PRELID2: variants seen among roughly 807,000 people sequenced by gnomAD.
PRELID2 encodes the protein PRELI domain containing 2, also known as PRELI domain-containing protein 2.
A neutral mutation model predicts 28.4 loss-of-function variants in PRELID2; 25 were observed. The observed-to-expected ratio is 0.88, with a 90% CI of 0.64 to 1.23. The LOEUF (loss-of-function observed/expected upper bound fraction) is 1.23. Among genes scored for constraint, PRELID2 ranks in the 50% most tolerant of loss-of-function variants. The pLI is 0.00. For missense variants in PRELID2, 201 were observed against 214.4 expected, an observed-to-expected ratio of 0.94 and a Z score of 0.39; for synonymous variants, 76 against 71.6, an observed-to-expected ratio of 1.06 and a Z score of -0.31.
At chr5:145,320,663 G>T in the PRELID2 span, among the ~76,000 whole-genome samples, 1 of 152,002 alleles carries the variant, frequency 6.6e-6, no homozygotes, top group Admixed American at 6.5e-5. Context: ...GAATAATGCT[G>T]GGAACAATAT....
At chr5:145,498,712 G>A (rs1002129637) in intron 1 of PRELID2, among the ~76,000 whole-genome samples, 1 of 151,700 alleles carries the variant, frequency 6.6e-6, no homozygotes, top group African/African-American at 2.4e-5. Flanking sequence ...TTTGTTTTTT[G>A]TTTTGTTTTG....
chr5:145,595,719 C>T (rs1347417963), intron 1 of PRELID2, among the ~76,000 whole-genome samples: 1 of 152,122 alleles, frequency 6.6e-6, no homozygotes, highest in Non-Finnish European at 1.5e-5. Flanking sequence ...AAGTCTGTGC[C>T]CTCCCTAAAA....
downstream of PRELID2, among the ~76,000 whole-genome samples, chr5:145,751,405 G>A (rs146146332): frequency 6.6e-6 from 1 of 152,300 alleles, no homozygotes; most frequent in African/African-American, 2.4e-5. Flanking sequence ...CAGCAGAACA[G>A]GGCTCTGGAG....
the PRELID2 span, among the ~76,000 whole-genome samples, chr5:145,290,671 G>A: frequency 6.6e-6 from 1 of 152,000 alleles, no homozygotes; most frequent in African/African-American, 2.4e-5. Context: ...AATGGGTGTA[G>A]TAAACCAACA....
chr5:145,402,941 T>G, the PRELID2 span, among the ~76,000 whole-genome samples: 1 of 152,122 alleles, frequency 6.6e-6, no homozygotes, highest in Non-Finnish European at 1.5e-5. Context: ...AGGAAGGGGT[T>G]TTGTCAAAGG....
At chr5:145,788,383 G>A (rs904518021) in intron 5 of PRELID2, among the ~76,000 whole-genome samples, 2 of 152,088 alleles carry the variant, frequency 1.3e-5, no homozygotes, top group African/African-American at 2.4e-5. Flanking sequence ...GGCCACCACG[G>A]GTCAAAAGTG....
At chr5:145,436,591 G>T in the PRELID2 span, among the ~76,000 whole-genome samples, 1 of 151,956 alleles carries the variant, frequency 6.6e-6, no homozygotes, top group East Asian at 1.9e-4. Flanking sequence ...GCCAGCATTT[G>T]TTTTTTGTTT....
chr5:145,286,056 G>T, the PRELID2 span, among the ~76,000 whole-genome samples: 5 of 152,096 alleles, frequency 3.3e-5, no homozygotes, highest in Admixed American at 3.3e-4. Context: ...TTTCATGCAG[G>T]TACCTCTATA....
intron 1 of PRELID2, among the ~76,000 whole-genome samples, chr5:145,491,188 C>T (rs34071386): frequency 0.24 from 36,311 of 151,906 alleles, 4,452 homozygotes; most frequent in South Asian, 0.37. Flanking sequence ...CAAGAATTTA[C>T]TTCTTATAGT....
At chr5:145,555,276 TCTC>T (rs1314269039) in intron 1 of PRELID2, among the ~76,000 whole-genome samples, 3 of 152,136 alleles carry the variant, frequency 2.0e-5, no homozygotes, top group Non-Finnish European at 2.9e-5. Flanking sequence ...AGATCACTGA[TCTC>T]CTTCTCTGAA....
intron 5 of PRELID2, among the ~76,000 whole-genome samples, chr5:145,776,054 C>A (rs185046603): frequency 6.6e-6 from 1 of 152,146 alleles, no homozygotes; most frequent in East Asian, 1.9e-4. Flanking sequence ...AAAATGCCTG[C>A]AGTGTTTATA....
At chr5:145,274,021 G>A in the PRELID2 span, among the ~76,000 whole-genome samples, 2 of 152,136 alleles carry the variant, frequency 1.3e-5, no homozygotes, top group African/African-American at 4.8e-5. Context: ...GAGAGGTAGG[G>A]CCTGGCAGGA....
the PRELID2 span, among the ~76,000 whole-genome samples, chr5:145,350,923 T>C: frequency 1.3e-5 from 2 of 152,198 alleles, no homozygotes; most frequent in Non-Finnish European, 2.9e-5. Flanking sequence ...AATCTACTTA[T>C]TGATCATGAT....
chr5:145,291,335 C>CACAAAAAAAAAAAA, the PRELID2 span, among the ~76,000 whole-genome samples: 11 of 57,476 alleles, frequency 1.9e-4, no homozygotes, highest in African/African-American at 1.1e-3. Context: ...GACTCTGTTT[C>CACAAAAAAAAAAAA]AGAAAAAAAA....
At chr5:145,257,742 G>A in the PRELID2 span, among the ~76,000 whole-genome samples, 3 of 152,160 alleles carry the variant, frequency 2.0e-5, no homozygotes, top group South Asian at 4.1e-4. Flanking sequence ...GACAAAGAAA[G>A]GGCATTTCAT....
chr5:145,754,814 T>C (rs1444008379), downstream of PRELID2, among the ~76,000 whole-genome samples: 6 of 152,182 alleles, frequency 3.9e-5, no homozygotes, highest in South Asian at 8.3e-4. Flanking sequence ...TGGCAGGCCA[T>C]CCACGTCAAT....
chr5:145,450,761 A>G, the PRELID2 span: 1 of 152,214 alleles, frequency 6.6e-6, no homozygotes, highest in South Asian at 2.1e-4. Context: ...GAATTCTGCA[A>G]GACAGTCTGC....
chr5:145,547,125 G>T (rs866000042), intron 1 of PRELID2, among the ~76,000 whole-genome samples: 3 of 152,044 alleles, frequency 2.0e-5, no homozygotes, highest in Admixed American at 6.6e-5. Flanking sequence ...TTTGCTCTAG[G>T]TTCTCAAAAT....
At chr5:145,289,312 C>A in the PRELID2 span, among the ~76,000 whole-genome samples, 1 of 152,102 alleles carries the variant, frequency 6.6e-6, no homozygotes, top group Non-Finnish European at 1.5e-5. Flanking sequence ...ATCCTTATAG[C>A]TTTTCCTTTT....
Sources: allele counts gnomAD v4.1 joint callset (sites outside exome capture counted in the v4.1 genomes callset), GRCh38; gene constraint gnomAD v4.1.1; transcripts MANE v1.5; gene names NCBI Gene and HGNC (gene_info 2026-07-23, HGNC 2026-07-21).